CUBN: variants seen among roughly 807,000 people sequenced by gnomAD.
CUBN encodes cubilin, also known as 460 kDa receptor.
Under a neutral mutation model 405.3 loss-of-function variants are expected in CUBN, and 282 were observed. That is an observed-to-expected ratio of 0.70 (90% CI 0.63 to 0.77). CUBN has a LOEUF of 0.77. Ranked by LOEUF, CUBN falls within the 30% of genes least tolerant of loss-of-function variation. CUBN has a pLI of 0.00. For missense variants in CUBN, 4,514 were observed against 4,475.2 expected (o/e 1.01, Z -0.25); for synonymous variants, 1,684 against 1,617.0 (o/e 1.04, Z -0.99).
rs111543841 is a variant in CUBN at position 17,119,387 on chromosome 10, C to T, written c.593+3408G>A. On this transcript the variant is annotated intron_variant, in intron 6 of 66. Transcript: ENST00000377833. ...CAAAGTAAGCAGGGGAGGCTGGGCACGGTGGCTCACGCCTGTAATCCCAGC... is the reference window on the plus strand; with the variant it reads ...CAAAGTAAGCAGGGGAGGCTGGGCATGGTGGCTCACGCCTGTAATCCCAGC... 3.6e-3 allele frequency among the ~76,000 whole-genome samples: 551 copies of T among 152,266 alleles called. 2 individuals are homozygous for T. The highest frequency in any genetic ancestry group is 0.012 in the African/African-American group (500 of 41,560).
intron 22 of CUBN, 59 bp from the exon 23 acceptor site, chr10:17,047,662 C>T (rs1033795876): frequency 2.1e-6 from 3 of 1,416,944 alleles, no homozygotes; most frequent in Admixed American, 1.7e-5. Flanking sequence ...GTTTATAATA[C>T]ATCCAGTAAT....
At chr10:17,120,023 A>G (rs1837001358) in intron 6 of CUBN, among the ~76,000 whole-genome samples, 1 of 152,228 alleles carries the variant, frequency 6.6e-6, no homozygotes, top group Non-Finnish European at 1.5e-5. Flanking sequence ...AAGAAACTGA[A>G]TGAGGTCCAA....
chr10:17,083,516 A>AATAAATAAATAAATAC (rs59957943), intron 17 of CUBN, among the ~76,000 whole-genome samples: 132 of 142,720 alleles, frequency 9.2e-4, no homozygotes, highest in African/African-American at 3.4e-3. Flanking sequence ...AAAATAAATA[A>AATAAATAAATAAATAC]ATACATACAT....
intron 19 of CUBN, among the ~76,000 whole-genome samples, chr10:17,069,109 T>C (rs1835680186): frequency 6.6e-6 from 1 of 152,224 alleles, no homozygotes; most frequent in Non-Finnish European, 1.5e-5. Flanking sequence ...ATCCACGTTG[T>C]AGCATGGATC....
chr10:17,126,984 A>G (rs1166194265), intron 3 of CUBN, among the ~76,000 whole-genome samples, 185 bp from the exon 4 acceptor site: 1 of 151,124 alleles, frequency 6.6e-6, no homozygotes, highest in Non-Finnish European at 1.5e-5. Flanking sequence ...ATTCCCTCCT[A>G]TCACATAGAT....
Position 17,045,260 on chromosome 10 carries a change from A to G in CUBN, c.3491-72T>C. ...GAAATTGAATCTTTTTGTCTGCATT[A>G]AACTGGTGCCATTCTACTATCCTTT... On this transcript the variant is annotated intron_variant, in intron 24 of 66. Coordinates refer to ENST00000377833, the MANE Select transcript of CUBN (RefSeq NM_001081.4). The G allele has an allele frequency of 3.5e-6, 5 of 1,413,954 alleles. No homozygotes were observed. The South Asian group carries it at 5.9e-5, about 17-fold the overall frequency. The allele number at this position is 1,413,954 out of a possible 1,614,324, so 87.6% of individuals were successfully genotyped here.
Position 16,829,884 on chromosome 10 carries a change from C to T in CUBN, c.10529-844G>A, listed in dbSNP as rs57633753. On this transcript the variant is annotated intron_variant, in intron 65 of 66. Coordinates refer to ENST00000377833, the MANE Select transcript of CUBN (RefSeq NM_001081.4). ...TCGCCCAGGCTGGAGTGCAGTGGCA[C>T]GATCTTGGCTCACTGCAAGCTCCAC... Among the ~76,000 whole-genome samples, 1,237 of 150,080 alleles carry T rather than the reference C, an allele frequency of 8.2e-3. 18 individuals carry two copies. The highest frequency in any genetic ancestry group is 0.028 in the African/African-American group (1,138 of 40,730).
At chr10:16,947,486 C>G in intron 35 of CUBN, 119 bp from the exon 36 acceptor site, 1 of 1,120,444 alleles carries the variant, frequency 8.9e-7, no homozygotes, top group Non-Finnish European at 1.3e-6. Context: ...GTATTTCCAT[C>G]TCACATTTTA....
chr10:16,981,770 AC>A (rs1253211931), intron 31 of CUBN, among the ~76,000 whole-genome samples: 2 of 151,908 alleles, frequency 1.3e-5, no homozygotes, highest in African/African-American at 2.4e-5. Flanking sequence ...CAAATAAGCC[AC>A]CCCCTTCGCA....
intron 29 of CUBN, among the ~76,000 whole-genome samples, chr10:16,989,777 G>A (rs916131854): frequency 2.6e-5 from 4 of 152,126 alleles, no homozygotes; most frequent in Middle Eastern, 3.2e-3. Flanking sequence ...TTACAAAAGC[G>A]CTCTGCGGCA....
chr10:16,860,162 T>A (rs118132022), intron 59 of CUBN, among the ~76,000 whole-genome samples: 1 of 152,032 alleles, frequency 6.6e-6, no homozygotes, highest in African/African-American at 2.4e-5. Flanking sequence ...AAAACACAAA[T>A]AGTACAAAGG....
chr10:17,045,241 G>T, intron 24 of CUBN, 53 bp from the exon 25 acceptor site: 2 of 1,558,250 alleles, frequency 1.3e-6, no homozygotes, highest in South Asian at 1.1e-5. Flanking sequence ...TGGGGAAATT[G>T]AATCTTTTTG....
chr10:16,848,139 T>A (rs1839574865), intron 60 of CUBN, among the ~76,000 whole-genome samples: 1 of 152,218 alleles, frequency 6.6e-6, no homozygotes, highest in African/African-American at 2.4e-5. Context: ...GTTTTTGATA[T>A]TGCAGTTTCT....
At position 17,093,896 on chromosome 10, in the gene CUBN, A is replaced by T. The variant is rs149789284; in HGVS notation, c.1766-5551T>A. 5.4e-3 allele frequency among the ~76,000 whole-genome samples: 823 copies of T among 152,266 alleles called. 11 individuals carry two copies. Among genetic ancestry groups the T allele is most frequent in the African/African-American group, 0.019 (795 of 41,568 alleles). ...ATCAAAGCAAAAAAAGAAGGCAAGAATATAAAACCATAAGAACTATTAGAA... is the reference window on the plus strand; with the variant it reads ...ATCAAAGCAAAAAAAGAAGGCAAGATTATAAAACCATAAGAACTATTAGAA... On this transcript the variant is annotated intron_variant, in intron 14 of 66. Coordinates refer to ENST00000377833, the MANE Select transcript of CUBN (RefSeq NM_001081.4).
intron 27 of CUBN, among the ~76,000 whole-genome samples, chr10:17,033,562 A>G (rs1834827680): frequency 6.6e-6 from 1 of 152,224 alleles, no homozygotes; most frequent in African/African-American, 2.4e-5. Context: ...ATACCACAGC[A>G]AACGCAAAAC....
chr10:16,872,052 C>G (rs1485687572), intron 58 of CUBN, among the ~76,000 whole-genome samples: 11 of 151,808 alleles, frequency 7.2e-5, no homozygotes, highest in Non-Finnish European at 1.5e-4. Flanking sequence ...TGGCAAAACT[C>G]CATCTCTACT....
At chr10:17,030,534 G>A (rs748130125) in intron 27 of CUBN, among the ~76,000 whole-genome samples, 24 of 152,178 alleles carry the variant, frequency 1.6e-4, no homozygotes, top group Non-Finnish European at 3.1e-4. Context: ...ACTGAGGTAG[G>A]TAGAGGTTTA....
At chr10:16,951,920 A>T (rs1352273673) in intron 33 of CUBN, among the ~76,000 whole-genome samples, 1 of 152,116 alleles carries the variant, frequency 6.6e-6, no homozygotes, top group African/African-American at 2.4e-5. Context: ...CATGTCAAAA[A>T]CTATTTATCG....
At position 16,910,092 on chromosome 10, in the gene CUBN, CCTT is replaced by C. The variant is rs552713102; in HGVS notation, c.7534-2416_7534-2414del. Among the ~76,000 whole-genome samples the C allele has an allele frequency of 3.8e-4, 57 of 151,958 alleles. 6 individuals carry two copies. The South Asian group carries it at 6.9e-3, about 18-fold the overall frequency. ...CTTCTTCTTTTCTCTTTCTCCCTCT[CCTT>C]CTCATTCTCCTCCTCCTTCTCTTTC... On this transcript the variant is annotated intron_variant, in intron 48 of 66. Coordinates refer to ENST00000377833, the MANE Select transcript of CUBN (RefSeq NM_001081.4).
Sources: gnomAD v4.1 joint callset for allele counts (sites outside exome capture counted in the v4.1 genomes callset) on GRCh38, gnomAD v4.1.1 for gene constraint, MANE v1.5 for transcripts, NCBI Gene and HGNC (gene_info 2026-07-23, HGNC 2026-07-21) for gene names.